The following TUSC3 variants were observed in gnomAD, a reference collection of about 807,000 sequenced individuals.
TUSC3 encodes tumor suppressor candidate 3, also known as dolichyl-diphosphooligosaccharide--protein glycosyltransferase subunit TUSC3.
TUSC3 carries 45 observed loss-of-function variants against 44.8 expected under a neutral mutation model. The observed-to-expected ratio is 1.00, with a 90% confidence interval of 0.79 to 1.29. The LOEUF (loss-of-function observed/expected upper bound fraction) is 1.29, where lower values mean the gene tolerates loss of function less well. Among genes scored for constraint, TUSC3 ranks in the 50% most tolerant of loss-of-function variants. TUSC3 has a pLI of 0.00. For synonymous variants in TUSC3, 212 were observed against 152.9 expected (o/e 1.39, Z -2.85); for missense variants, 519 against 437.9 (o/e 1.19, Z -1.65).
intron 1 of TUSC3, among the ~76,000 whole-genome samples, chr8:15,473,968 G>C (rs1800533248): frequency 6.6e-6 from 1 of 152,270 alleles, no homozygotes; most frequent in South Asian, 2.1e-4. Flanking sequence ...CAGGAGACCA[G>C]GGCGTATTTT....
At chr8:15,772,981 A>AACAAAATAGGAATAAAAAGAGGATTTT in the TUSC3 span, among the ~76,000 whole-genome samples, 3 of 151,462 alleles carry the variant, frequency 2.0e-5, no homozygotes, top group African/African-American at 7.3e-5. Flanking sequence ...GAACACAAAC[A>AACAAAATAGGAATAAAAAGAGGATTTT]CTCAACATTA....
chr8:15,825,367 G>A, the TUSC3 span, among the ~76,000 whole-genome samples: 638 of 152,222 alleles, frequency 4.2e-3, no homozygotes, highest in Non-Finnish European at 7.2e-3. Flanking sequence ...TTACATGGTG[G>A]CAGGCAAGAG....
intron 1 of TUSC3, among the ~76,000 whole-genome samples, chr8:15,482,646 T>C (rs569981324): frequency 6.6e-6 from 1 of 152,174 alleles, no homozygotes; most frequent in Non-Finnish European, 1.5e-5. Context: ...AGGCCATAGA[T>C]CAAAGAGTAA....
At chr8:15,733,281 G>C (rs1810796132) in intron 7 of TUSC3, 2 of 328,938 alleles carry the variant, frequency 6.1e-6, no homozygotes, top group African/African-American at 2.2e-5. Context: ...AAAGCAAATG[G>C]ATAGAAACAT....
chr8:15,623,677 T>G (rs927236676), intron 2 of TUSC3, among the ~76,000 whole-genome samples: 10 of 152,090 alleles, frequency 6.6e-5, no homozygotes, highest in Non-Finnish European at 1.3e-4. Context: ...GTAAACAGTT[T>G]TAAATGAATG....
At position 15,599,824 on chromosome 8, in the gene TUSC3, T is replaced by G. The variant is rs113785252; in HGVS notation, c.139-23256T>G. Among the ~76,000 whole-genome samples, 226 of 151,638 alleles carry G rather than the reference T, an allele frequency of 1.5e-3. 3 individuals carry two copies. Among genetic ancestry groups the G allele is most frequent in the Admixed American group, 3.2e-3 (49 of 15,146 alleles). On this transcript the variant is annotated intron_variant, in intron 1 of 10. Coordinates refer to ENST00000503731, the MANE Select transcript of TUSC3 (RefSeq NM_006765.4). ...TGTCTTTATTATTGTAACTTTGTAG[T>G]GTATGTTGAGGTTGGAGGTTGGGAA...
intron 1 of TUSC3, among the ~76,000 whole-genome samples, chr8:15,611,489 C>G (rs1804758746): frequency 6.6e-6 from 1 of 152,074 alleles, no homozygotes; most frequent in African/African-American, 2.4e-5. Flanking sequence ...ACCTGGCTAC[C>G]TTTTTGCTTT....
the TUSC3 span, chr8:15,806,659 C>A: frequency 8.7e-7 from 1 of 1,150,718 alleles, no homozygotes; most frequent in Non-Finnish European, 1.3e-6. Context: ...GTGAGACAAG[C>A]TGCCCAGTAG....
chr8:15,604,698 A>T (rs1563129357), intron 1 of TUSC3, among the ~76,000 whole-genome samples: 1 of 151,796 alleles, frequency 6.6e-6, no homozygotes, highest in Non-Finnish European at 1.5e-5. Context: ...TAGAATGTCA[A>T]AGTAAGCCTT....
chr8:15,721,445 C>A (rs1212655401), intron 6 of TUSC3, among the ~76,000 whole-genome samples: 1 of 151,570 alleles, frequency 6.6e-6, no homozygotes, highest in Non-Finnish European at 1.5e-5. Flanking sequence ...TGCTTTTTTT[C>A]CCCCAGGATA....
intron 1 of TUSC3, among the ~76,000 whole-genome samples, chr8:15,587,890 A>T (rs1803663360): frequency 6.6e-6 from 1 of 152,092 alleles, no homozygotes. Context: ...GCTTCTAATG[A>T]CAGGATTTCA....
At chr8:15,809,335 C>A in the TUSC3 span, among the ~76,000 whole-genome samples, 1 of 152,164 alleles carries the variant, frequency 6.6e-6, no homozygotes, top group South Asian at 2.1e-4. Flanking sequence ...TGAAAAACTA[C>A]ATGATTGCTG....
chr8:15,551,691 A>T (rs932603413), intron 1 of TUSC3, among the ~76,000 whole-genome samples: 2 of 151,750 alleles, frequency 1.3e-5, no homozygotes, highest in Non-Finnish European at 2.9e-5. Flanking sequence ...CAACTTAAGA[A>T]GTTATTTGTC....
At chr8:15,603,395 A>G (rs949953337) in intron 1 of TUSC3, among the ~76,000 whole-genome samples, 6 of 151,652 alleles carry the variant, frequency 4.0e-5, no homozygotes, top group African/African-American at 1.2e-4. Flanking sequence ...GAAAATGGGA[A>G]CCCACATGTT....
intron 2 of TUSC3, among the ~76,000 whole-genome samples, chr8:15,500,500 A>C (rs2129126854): frequency 6.6e-6 from 1 of 152,294 alleles, no homozygotes; most frequent in Middle Eastern, 3.4e-3. Flanking sequence ...AGTCACTGTT[A>C]ACACACAAAA....
intron 2 of TUSC3, among the ~76,000 whole-genome samples, chr8:15,522,192 C>G (rs1801308275): frequency 6.6e-6 from 1 of 151,828 alleles, no homozygotes; most frequent in Non-Finnish European, 1.5e-5. Context: ...CACCACAAGT[C>G]ATGGGTAAGT....
intron 1 of TUSC3, among the ~76,000 whole-genome samples, chr8:15,422,980 T>C (rs567257839): frequency 1.4e-4 from 22 of 152,170 alleles, no homozygotes; most frequent in Non-Finnish European, 2.8e-4. Context: ...CCACAGTGTA[T>C]TTATATTTCA....
chr8:15,691,096 G>A (rs779990653), intron 6 of TUSC3, among the ~76,000 whole-genome samples: 3 of 151,876 alleles, frequency 2.0e-5, no homozygotes, highest in Non-Finnish European at 4.4e-5. Context: ...GCTTTGGGCA[G>A]TGTGGCCATT....
chr8:15,742,500 C>T (rs1811237526), intron 7 of TUSC3, among the ~76,000 whole-genome samples: 1 of 152,056 alleles, frequency 6.6e-6, no homozygotes, highest in South Asian at 2.1e-4. Flanking sequence ...GTTATAAAAA[C>T]AAGACTCAGA....
Sources: allele counts gnomAD v4.1 joint callset (sites outside exome capture counted in the v4.1 genomes callset), GRCh38; gene constraint gnomAD v4.1.1; transcripts MANE v1.5; gene names NCBI Gene and HGNC (gene_info 2026-07-23, HGNC 2026-07-21).